Variants in F13B observed in about 807,000 individuals in gnomAD.
The protein encoded by F13B is coagulation factor XIII B chain.
Under a neutral mutation model 79.8 loss-of-function variants are expected in F13B, and 58 were observed. That is an observed-to-expected ratio of 0.73 (90% CI 0.59 to 0.90). F13B has a LOEUF of 0.90. Ranked by LOEUF, F13B falls within the 40% of genes least tolerant of loss-of-function variation. The probability of loss-of-function intolerance (pLI) is 0.00; values close to 1 mark genes in which losing one functional copy is unlikely to be tolerated. For missense variants in F13B, 773 were observed against 777.0 expected (o/e 0.99, Z 0.06); for synonymous variants, 283 against 260.3 (o/e 1.09, Z -0.84).
At chr1:197,040,799 A>G in intron 10 of F13B, 64 bp from the exon 11 acceptor site, 1 of 1,365,570 alleles carries the variant, frequency 7.3e-7, no homozygotes, top group Non-Finnish European at 1.0e-6. Context: ...ACATCTTGGT[A>G]AGAACAGGAA....
chr1:197,056,922 G>C, intron 7 of F13B, 91 bp downstream of exon 7: 1 of 1,386,264 alleles, frequency 7.2e-7, no homozygotes, highest in Non-Finnish European at 1.0e-6. Context: ...CTAAGCAGTG[G>C]TCTTTTCCTA....
chr1:197,047,391 A>G lies in F13B; in HGVS notation c.1738+3306T>C, dbSNP rs141775897. Among the ~76,000 whole-genome samples the G allele has an allele frequency of 1.8e-4, 27 of 152,342 alleles. No individual in the cohort carries two copies. In the East Asian group the frequency reaches 5.2e-3, roughly 29 times the overall value. On this transcript the variant is annotated intron_variant, in intron 10 of 11. Transcript: ENST00000367412. ...AAAAGAAGACATTTATGCAGCCAAC[A>G]GACATATGAAAAAATGCTCATCATC... is the stretch of plus-strand genomic sequence containing the variant.
chr1:197,060,921 C>T lies in F13B; in HGVS notation c.606G>A (p.Trp202Ter), dbSNP rs1230388952. 6.2e-7 allele frequency: 1 copy of T among 1,613,108 alleles called. No individual in the cohort carries two copies. The highest frequency in any genetic ancestry group is 8.5e-7 in the Non-Finnish European group (1 of 1,179,384). The change falls in exon 4 of 12, where the codon TGG becomes TGA. Residue 202 changes from tryptophan to a stop codon, truncating the protein, a stop_gained. Transcript: ENST00000367412. LOFTEE classifies it high-confidence loss of function. ...TEEVECLTYG[W>*]SLTPKCTKLK... ...TACTGGTACATTTTGGTGTGAGAGA[C>T]CATCCGTATGTGAGACATTCTACCT...
Position 197,055,850 on chromosome 1 carries a change from C to G in F13B, c.1219G>C (p.Val407Leu). Residue 407 changes from valine (V) to leucine (L), a missense_variant, in exon 8 of 12, where the codon GTT becomes CTT. Transcript: ENST00000367412. ...KHPPVVMNGAVADGILASYAT... is the reference protein window; with the variant it reads ...KHPPVVMNGALADGILASYAT... ...TAGCTTGCCAATATCCCGTCTGCAA[C>G]AGCCCCATTCATTACAACAGGAGGA... is the stretch of plus-strand genomic sequence containing the variant. The G allele has an allele frequency of 1.2e-6, 2 of 1,613,564 alleles. No individual in the cohort carries two copies. The highest frequency in any genetic ancestry group is 1.7e-6 in the Non-Finnish European group (2 of 1,179,722).
chr1:197,041,485 T>C (rs1655035457), intron 10 of F13B, among the ~76,000 whole-genome samples: 1 of 152,168 alleles, frequency 6.6e-6, no homozygotes, highest in Non-Finnish European at 1.5e-5. Context: ...TATGTCCTTA[T>C]TTGTCTCCTG....
Position 197,057,604 on chromosome 1 carries a change from C to T in F13B, c.806-139G>A, listed in dbSNP as rs543257604. On this transcript the variant is annotated intron_variant, in intron 5 of 11. Coordinates refer to ENST00000367412, the MANE Select transcript of F13B (RefSeq NM_001994.3). Reference sequence around the variant, plus strand: ...AGGAGCATTCCTTTGATCCTCACCTCCTGATGTTAACTTCCTTGTGTGATA... The same window carrying T: ...AGGAGCATTCCTTTGATCCTCACCTTCTGATGTTAACTTCCTTGTGTGATA... The T allele has an allele frequency of 3.5e-5, 33 of 938,308 alleles. No individual in the cohort carries two copies. The African/African-American group carries it at 5.1e-4, about 15-fold the overall frequency. 58.1% of individuals were successfully genotyped at this position (938,308 alleles called of 1,614,324 possible).
At chr1:197,050,347 C>T (rs370075157) in intron 10 of F13B, among the ~76,000 whole-genome samples, 18 of 152,056 alleles carry the variant, frequency 1.2e-4, no homozygotes, top group Non-Finnish European at 2.4e-4. Context: ...TCTTTATTTC[C>T]GCATTGTTTT....
At chr1:197,046,772 C>G (rs537938412) in intron 10 of F13B, among the ~76,000 whole-genome samples, 2 of 152,244 alleles carry the variant, frequency 1.3e-5, no homozygotes, top group African/African-American at 2.4e-5. Context: ...TAATACAAGG[C>G]TACAGTAACC....
At position 197,052,974 on chromosome 1, in the gene F13B, T is replaced by C. The variant is rs921371497; in HGVS notation, c.1355-140A>G. The C allele has an allele frequency of 1.2e-5, 7 of 561,346 alleles. No homozygotes were observed. The African/African-American group carries it at 1.3e-4, about 11-fold the overall frequency. 34.8% of individuals were successfully genotyped at this position (561,346 alleles called of 1,614,324 possible). A position where few individuals can be genotyped will look rare whatever the true frequency, so the allele number is the denominator to read the frequency against. ...ATAATTAAGGCTTCTCTCACACACA[T>C]ATATATATAAGAAAATATATACTTT... On this transcript the variant is annotated intron_variant, in intron 8 of 11. Coordinates refer to ENST00000367412, the MANE Select transcript of F13B (RefSeq NM_001994.3).
At chr1:197,061,991 A>T (rs1433018487) in intron 2 of F13B, 22 bp from the exon 3 acceptor site, 1 of 1,588,320 alleles carries the variant, frequency 6.3e-7, no homozygotes, top group Non-Finnish European at 8.6e-7. Flanking sequence ...AAAATTATTT[A>T]ACTTAATGAT....
At chr1:197,043,835 C>A (rs574892294) in intron 10 of F13B, among the ~76,000 whole-genome samples, 1 of 152,044 alleles carries the variant, frequency 6.6e-6, no homozygotes, top group Admixed American at 6.6e-5. Flanking sequence ...TGTAATATGG[C>A]ATCACAGAAG....
rs562778799 is a variant in F13B, at chr1:197,062,301, T to C, written c.266-332A>G. On this transcript the variant is annotated intron_variant, in intron 2 of 11. Coordinates refer to ENST00000367412, the MANE Select transcript of F13B (RefSeq NM_001994.3). Reference sequence around the variant, plus strand: ...GGTCACCTGCCCTAGTGGAAGATCATTGATAGTTTGATGATAGTGTAGCCT... The same window carrying C: ...GGTCACCTGCCCTAGTGGAAGATCACTGATAGTTTGATGATAGTGTAGCCT... 2.3e-4 allele frequency among the ~76,000 whole-genome samples: 35 copies of C among 152,276 alleles called. 1 individual carries two copies. The East Asian group carries it at 5.8e-3, about 25-fold the overall frequency.
chr1:197,046,003 G>A (rs2125057650), intron 10 of F13B, among the ~76,000 whole-genome samples: 1 of 152,134 alleles, frequency 6.6e-6, no homozygotes, highest in East Asian at 1.9e-4. Context: ...AAGGTATTGA[G>A]GGAATGTACC....
Position 197,057,020 on chromosome 1 carries a change from C to T in F13B, c.1164G>A (p.Glu388=), listed in dbSNP as rs1655665235. Residue 388 remains glutamate, a synonymous_variant, in exon 7 of 12, where the codon GAG becomes GAA. Coordinates refer to ENST00000367412, the MANE Select transcript of F13B (RefSeq NM_001994.3). ...TAAATGTAGCATACATACCAACACA[C>T]TCAGGAGGAAGTGTCCATTTTCCAC... ...CNRGKWTLPP[E]CVENNENCKH... 2 of 1,613,356 alleles carry T rather than the reference C, an allele frequency of 1.2e-6. No individual in the cohort carries two copies. Among genetic ancestry groups the T allele is most frequent in the Non-Finnish European group, 1.7e-6 (2 of 1,179,830 alleles).
At chr1:197,049,699 G>GAT (rs1355791864) in intron 10 of F13B, among the ~76,000 whole-genome samples, 1 of 152,066 alleles carries the variant, frequency 6.6e-6, no homozygotes, top group African/African-American at 2.4e-5. Context: ...CCATTCATGG[G>GAT]ATGAGGTCAG....
intron 2 of F13B, 88 bp from the exon 3 acceptor site, chr1:197,062,057 T>C: frequency 9.0e-7 from 1 of 1,115,518 alleles, no homozygotes; most frequent in Non-Finnish European, 1.3e-6. Context: ...TATAATGTTA[T>C]TATTGGCGAT....
In F13B at chr1:197,040,851, C is replaced by G. The variant is rs908757536; in HGVS notation, c.1739-116G>C. ...TCATGAGGACCTTAAAATTCTCAGG[C>G]CTAAGAGCAGCAAGTCAGTTAATCA... On this transcript the variant is annotated intron_variant, in intron 10 of 11. Coordinates refer to ENST00000367412, the MANE Select transcript of F13B (RefSeq NM_001994.3). 2.8e-5 allele frequency: 21 copies of G among 740,740 alleles called. No individual in the cohort carries two copies. The African/African-American group carries it at 3.2e-4, about 11-fold the overall frequency. The allele number at this position is 740,740 out of a possible 1,614,324, so 45.9% of individuals were successfully genotyped here.
In F13B at chr1:197,039,379, T is replaced by C. The variant is rs772773077; in HGVS notation, c.1985A>G (p.Ter662TrpextTer2). 6 of 1,609,988 alleles carry C rather than the reference T, an allele frequency of 3.7e-6. No individual in the cohort carries two copies. Among genetic ancestry groups the C allele is most frequent in the Non-Finnish European group, 5.1e-6 (6 of 1,177,114 alleles). Residue 662 changes from the stop codon to tryptophan, a stop_lost, in exon 12 of 12, where the codon TAG (stop) becomes TGG (tryptophan). Coordinates refer to ENST00000367412, the MANE Select transcript of F13B (RefSeq NM_001994.3). Reference sequence around the variant, plus strand: ...GACTCCTCTTTCTGCCATTCATTTCTATGTTCTTAAGGGTTCTTGATAAGA... The same window carrying C: ...GACTCCTCTTTCTGCCATTCATTTCCATGTTCTTAAGGGTTCTTGATAAGA... ...TLSYQEPLRT[*>W]
intron 7 of F13B, among the ~76,000 whole-genome samples, chr1:197,056,303 A>G (rs1655639578): frequency 1.3e-5 from 2 of 151,906 alleles, no homozygotes; most frequent in Admixed American, 1.3e-4. Flanking sequence ...GGAAATATCA[A>G]TTTTTTTCCT....
Sources: allele counts gnomAD v4.1 joint callset (sites outside exome capture counted in the v4.1 genomes callset), GRCh38; gene constraint gnomAD v4.1.1; transcripts MANE v1.5; gene names NCBI Gene and HGNC (gene_info 2026-07-23, HGNC 2026-07-21).